The following LEKR1 variants were observed in gnomAD, a reference collection of about 807,000 sequenced individuals.
LEKR1 encodes the protein leucine, glutamate and lysine rich 1, also known as protein LEKR1.
A neutral mutation model predicts 72.4 loss-of-function variants in LEKR1; 59 were observed. The observed-to-expected ratio is 0.82, with a 90% CI of 0.66 to 1.01. The LOEUF (loss-of-function observed/expected upper bound fraction) is 1.01. LEKR1 is among the 50% of genes least tolerant of loss of function. The probability of loss-of-function intolerance (pLI) is 0.00; values close to 1 mark genes in which losing one functional copy is unlikely to be tolerated. For synonymous variants in LEKR1, 257 were observed against 263.2 expected (o/e 0.98, Z 0.23); for missense variants, 728 against 759.2 (o/e 0.96, Z 0.48).
chr3:156,951,491 G>GTT (rs373454112), intron 6 of LEKR1, among the ~76,000 whole-genome samples: 4 of 150,152 alleles, frequency 2.7e-5, no homozygotes, highest in South Asian at 2.1e-4. Flanking sequence ...AGCTCCTGGG[G>GTT]TTTTTTTTTG....
At chr3:156,840,168 T>A (rs913685610) in intron 2 of LEKR1, among the ~76,000 whole-genome samples, 1 of 152,246 alleles carries the variant, frequency 6.6e-6, no homozygotes, top group Admixed American at 6.5e-5. Flanking sequence ...ATGTTTATAT[T>A]ATCAGCAAGG....
chr3:156,830,607 A>G (rs1381364869), intron 2 of LEKR1, among the ~76,000 whole-genome samples: 2 of 152,228 alleles, frequency 1.3e-5, no homozygotes, highest in Non-Finnish European at 2.9e-5. Flanking sequence ...TCTTATAATG[A>G]AAGCATAGTT....
intron 2 of LEKR1, among the ~76,000 whole-genome samples, chr3:156,842,740 A>G (rs990653524): frequency 6.6e-6 from 1 of 152,220 alleles, no homozygotes; most frequent in African/African-American, 2.4e-5. Context: ...TTAGAAGGCT[A>G]AGATTGTTAA....
intron 6 of LEKR1, among the ~76,000 whole-genome samples, chr3:156,956,023 T>G (rs563849743): frequency 1.3e-5 from 2 of 151,984 alleles, no homozygotes; most frequent in Admixed American, 1.3e-4. Context: ...TTTTTTTAGT[T>G]AGTCACAATC....
At chr3:156,910,811 T>C (rs1268872029) in intron 3 of LEKR1, among the ~76,000 whole-genome samples, 1 of 152,196 alleles carries the variant, frequency 6.6e-6, no homozygotes, top group Admixed American at 6.5e-5. Context: ...GATGAACATG[T>C]CTTTTTAGTA....
intron 3 of LEKR1, among the ~76,000 whole-genome samples, chr3:156,889,800 G>A (rs764609783): frequency 1.1e-4 from 17 of 151,956 alleles, no homozygotes; most frequent in African/African-American, 1.9e-4. Context: ...AAATCAAGGC[G>A]GAATTCAAAG....
chr3:157,015,980 T>C (rs1733287129), intron 10 of LEKR1, among the ~76,000 whole-genome samples: 1 of 151,980 alleles, frequency 6.6e-6, no homozygotes, highest in African/African-American at 2.4e-5. Flanking sequence ...AAAAGCTTAG[T>C]GAACTTGAAG....
chr3:156,860,862 G>C (rs771350694), intron 3 of LEKR1, among the ~76,000 whole-genome samples: 3 of 152,140 alleles, frequency 2.0e-5, no homozygotes, highest in African/African-American at 7.2e-5. Flanking sequence ...TCAGTAAGTA[G>C]GCTTTTAGCC....
chr3:156,995,430 T>C (rs1194151685), intron 9 of LEKR1, among the ~76,000 whole-genome samples: 2 of 152,232 alleles, frequency 1.3e-5, no homozygotes, highest in Admixed American at 1.3e-4. Context: ...TTTTCTTGTA[T>C]TATTGCCCTT....
chr3:157,042,136 G>A (rs534532085), intron 12 of LEKR1, among the ~76,000 whole-genome samples: 34 of 151,992 alleles, frequency 2.2e-4, no homozygotes, highest in African/African-American at 7.3e-4. Context: ...GGTGGCAGAT[G>A]ATATGAAGAT....
chr3:156,982,885 AGATAGATAGATAGATAGATAGATG>A (rs1730346709), intron 7 of LEKR1, among the ~76,000 whole-genome samples: 5 of 151,422 alleles, frequency 3.3e-5, no homozygotes, highest in Non-Finnish European at 5.9e-5. Flanking sequence ...ATAGATAGAT[AGATAGATAGATAGATAGATAGATG>A]GAAGAGCTAG....
At chr3:156,982,243 G>C (rs1730263097) in intron 7 of LEKR1, among the ~76,000 whole-genome samples, 1 of 152,130 alleles carries the variant, frequency 6.6e-6, no homozygotes, top group South Asian at 2.1e-4. Flanking sequence ...GGATCTTGAT[G>C]TTCTTTCTGT....
intron 3 of LEKR1, among the ~76,000 whole-genome samples, chr3:156,918,757 G>A (rs113168788): frequency 3.3e-5 from 5 of 152,240 alleles, no homozygotes; most frequent in African/African-American, 9.6e-5. Context: ...TAAATACTAG[G>A]AGAAACAGGA....
chr3:157,022,643 A>C (rs891327413), intron 10 of LEKR1, among the ~76,000 whole-genome samples: 74 of 152,276 alleles, frequency 4.9e-4, no homozygotes, highest in African/African-American at 1.7e-3. Flanking sequence ...GTGTTGTTAC[A>C]AGATTTCTGG....
chr3:156,939,623 G>A (rs531158776), intron 5 of LEKR1, among the ~76,000 whole-genome samples: 1 of 152,272 alleles, frequency 6.6e-6, no homozygotes, highest in South Asian at 2.1e-4. Flanking sequence ...TTTTCTTGCT[G>A]ATAATGTATG....
chr3:156,873,750 A>G (rs913936404), intron 3 of LEKR1, among the ~76,000 whole-genome samples: 5 of 152,010 alleles, frequency 3.3e-5, no homozygotes, highest in African/African-American at 1.2e-4. Flanking sequence ...TTTATGAAAG[A>G]TAACATTACT....
chr3:157,003,127 A>T (rs1485268255), intron 9 of LEKR1, among the ~76,000 whole-genome samples: 21 of 152,202 alleles, frequency 1.4e-4, no homozygotes, highest in Admixed American at 1.4e-3. Context: ...TCCAACAGGA[A>T]ACCTAATTTA....
At chr3:156,997,179 C>T (rs780507115) in intron 9 of LEKR1, among the ~76,000 whole-genome samples, 4 of 152,080 alleles carry the variant, frequency 2.6e-5, no homozygotes, top group South Asian at 4.2e-4. Context: ...ACCTGTTATT[C>T]GGTCTCTTTT....
intron 7 of LEKR1, among the ~76,000 whole-genome samples, chr3:156,981,505 T>C (rs945114272): frequency 6.6e-6 from 1 of 152,196 alleles, no homozygotes; most frequent in Admixed American, 6.5e-5. Flanking sequence ...TTCTTAACAA[T>C]TAAAAAATGG....
Sources: allele counts gnomAD v4.1 joint callset (sites outside exome capture counted in the v4.1 genomes callset), GRCh38; gene constraint gnomAD v4.1.1; transcripts MANE v1.5; gene names NCBI Gene and HGNC (gene_info 2026-07-23, HGNC 2026-07-21).